RIMS1: variants seen among roughly 807,000 people sequenced by gnomAD.
RIMS1 encodes regulating synaptic membrane exocytosis 1.
Under a neutral mutation model 214.1 loss-of-function variants are expected in RIMS1, and 83 were observed. The observed-to-expected ratio is 0.39, with a 90% CI of 0.32 to 0.47. The LOEUF (loss-of-function observed/expected upper bound fraction) is 0.47. Ranked by LOEUF, RIMS1 falls within the 20% of genes least tolerant of loss-of-function variation. The pLI, the probability that RIMS1 is intolerant of heterozygous loss-of-function variation, is 0.99. For synonymous variants in RIMS1, 793 were observed against 786.8 expected (o/e 1.01, Z -0.13); for missense variants, 2,050 against 2,161.8 (o/e 0.95, Z 1.03).
At chr6:72,084,095 G>C (rs560385361) in intron 2 of RIMS1, among the ~76,000 whole-genome samples, 1 of 152,254 alleles carries the variant, frequency 6.6e-6, no homozygotes, top group African/African-American at 2.4e-5. Flanking sequence ...TTAACACTTT[G>C]GCTTGCTCAT....
chr6:72,347,815 T>C (rs1273840463), intron 29 of RIMS1, among the ~76,000 whole-genome samples: 1 of 151,904 alleles, frequency 6.6e-6, no homozygotes, highest in Non-Finnish European at 1.5e-5. Flanking sequence ...ATCAACTTCC[T>C]ACCAGGACCG....
chr6:72,162,686 T>C (rs181919824), intron 4 of RIMS1, among the ~76,000 whole-genome samples: 1,571 of 140,668 alleles, frequency 0.011, 312 homozygotes, highest in Non-Finnish European at 0.017. Flanking sequence ...GGTTGAAAAT[T>C]CTTTTCTTTA....
At chr6:72,165,789 A>G (rs1212267046) in intron 4 of RIMS1, among the ~76,000 whole-genome samples, 3 of 152,132 alleles carry the variant, frequency 2.0e-5, no homozygotes, top group East Asian at 1.9e-4. Flanking sequence ...AGAATAATGA[A>G]TGAGGAGGCC....
chr6:72,195,767 T>C (rs1192705145), intron 6 of RIMS1, among the ~76,000 whole-genome samples: 1 of 152,146 alleles, frequency 6.6e-6, no homozygotes, highest in Non-Finnish European at 1.5e-5. Flanking sequence ...ATTCTCTTAC[T>C]GCTATAAAGA....
chr6:72,290,822 T>G lies in RIMS1; in HGVS notation c.3698T>G (p.Val1233Gly), dbSNP rs1401363037. The G allele has an allele frequency of 6.2e-7, 1 of 1,613,322 alleles. No homozygotes were observed. Among genetic ancestry groups the G allele is most frequent in the African/African-American group, 1.3e-5 (1 of 74,898 alleles). Residue 1233 changes from valine (V) to glycine (G), a missense_variant, in exon 25 of 34, where the codon GTC becomes GGC. Coordinates refer to ENST00000521978, the MANE Select transcript of RIMS1 (RefSeq NM_014989.7). ...ACACTGTGTTCTATGCACCACCTTGTCCCTGGAGGGTCGGCGCCACCTTCT... is the reference window on the plus strand; with the variant it reads ...ACACTGTGTTCTATGCACCACCTTGGCCCTGGAGGGTCGGCGCCACCTTCT... ...IRTLCSMHHL[V>G]PGGSAPPSPL...
chr6:71,955,172 A>AT (rs1004456255), intron 1 of RIMS1, among the ~76,000 whole-genome samples: 78 of 148,606 alleles, frequency 5.2e-4, no homozygotes, highest in South Asian at 3.2e-3. Context: ...TTCTATGGAC[A>AT]TTTTTTTTTT....
At chr6:72,035,863 A>G (rs1819485891) in intron 2 of RIMS1, among the ~76,000 whole-genome samples, 1 of 152,210 alleles carries the variant, frequency 6.6e-6, no homozygotes, top group South Asian at 2.1e-4. Flanking sequence ...TGATGTATTT[A>G]TCTCAGTAAT....
intron 4 of RIMS1, among the ~76,000 whole-genome samples, chr6:72,108,471 C>T (rs189270437): frequency 7.4e-4 from 113 of 152,230 alleles, no homozygotes; most frequent in Middle Eastern, 3.4e-3. Flanking sequence ...ATACTATCAC[C>T]TAACTTACTA....
In RIMS1 at chr6:72,142,583, T is replaced by C. The variant is rs559305298; in HGVS notation, c.472-36992T>C. 3.9e-5 allele frequency among the ~76,000 whole-genome samples: 6 copies of C among 152,202 alleles called. No homozygotes were observed. The East Asian group carries it at 1.2e-3, about 29-fold the overall frequency. Reference sequence around the variant, plus strand: ...ATGAGTGGTCACAGACTGATCTCAGTGTGAAATCACTGTCAAATAACATTT... The same window carrying C: ...ATGAGTGGTCACAGACTGATCTCAGCGTGAAATCACTGTCAAATAACATTT... On this transcript the variant is annotated intron_variant, in intron 4 of 33. Transcript: ENST00000521978.
intron 2 of RIMS1, among the ~76,000 whole-genome samples, chr6:72,095,116 A>ATTTTTTTTTTT (rs71540328): frequency 0.017 from 1,642 of 98,052 alleles, no homozygotes; most frequent in Non-Finnish European, 0.022. Flanking sequence ...ACGCCCGACT[A>ATTTTTTTTTTT]TTTTTTTTTT....
chr6:71,953,190 T>C (rs909202349), intron 1 of RIMS1, among the ~76,000 whole-genome samples: 1 of 152,122 alleles, frequency 6.6e-6, no homozygotes, highest in African/African-American at 2.4e-5. Context: ...GTTTTCCCTA[T>C]GTTAGCCAGG....
chr6:72,082,790 C>T (rs1833730911), intron 2 of RIMS1, among the ~76,000 whole-genome samples: 1 of 152,036 alleles, frequency 6.6e-6, no homozygotes, highest in African/African-American at 2.4e-5. Flanking sequence ...CCCTGGTAAC[C>T]AGAATGGGTG....
chr6:72,357,334 A>T (rs2097679193), intron 29 of RIMS1, among the ~76,000 whole-genome samples: 1 of 152,198 alleles, frequency 6.6e-6, no homozygotes, highest in Non-Finnish European at 1.5e-5. Flanking sequence ...CTCTTTACTC[A>T]GATGAAGGAT....
intron 2 of RIMS1, among the ~76,000 whole-genome samples, chr6:71,993,869 C>T (rs1166956421): frequency 6.6e-6 from 1 of 152,094 alleles, no homozygotes; most frequent in Non-Finnish European, 1.5e-5. Flanking sequence ...CAGATATGCA[C>T]ACAATATATT....
chr6:72,038,110 AAAAAAAAAATATATATATATATATAT>A (rs1383567823), intron 2 of RIMS1, among the ~76,000 whole-genome samples: 8 of 70,890 alleles, frequency 1.1e-4, no homozygotes, highest in African/African-American at 4.5e-4. Context: ...AAAAAAAAAA[AAAAAAAAAATATATATATATATATAT>A]ATATATATAT....
chr6:72,371,828 TCTAATTC>T (rs2098230790), intron 29 of RIMS1, among the ~76,000 whole-genome samples: 1 of 152,182 alleles, frequency 6.6e-6, no homozygotes, highest in African/African-American at 2.4e-5. Flanking sequence ...GAATGTGAGT[TCTAATTC>T]TGCCATTTAC....
chr6:72,007,350 T>A (rs1038147495), intron 2 of RIMS1, among the ~76,000 whole-genome samples: 2 of 151,988 alleles, frequency 1.3e-5, no homozygotes, highest in Admixed American at 6.6e-5. Flanking sequence ...AGACCAAAGG[T>A]AGGTAAAACC....
At chr6:72,296,014 AAATAT>A (rs1025956309) in intron 26 of RIMS1, 39 of 255,142 alleles carry the variant, frequency 1.5e-4, no homozygotes, top group Middle Eastern at 1.7e-3. Flanking sequence ...TTACTTTTAA[AAATAT>A]AATATACAAG....
intron 1 of RIMS1, among the ~76,000 whole-genome samples, chr6:71,927,996 T>C (rs1782019759): frequency 6.6e-6 from 1 of 152,122 alleles, no homozygotes; most frequent in African/African-American, 2.4e-5. Context: ...TCTGCAGAAA[T>C]TGTAGAAATC....
Sources: gnomAD v4.1 joint callset for allele counts (sites outside exome capture counted in the v4.1 genomes callset) on GRCh38, gnomAD v4.1.1 for gene constraint, MANE v1.5 for transcripts, NCBI Gene and HGNC (gene_info 2026-07-23, HGNC 2026-07-21) for gene names.